RGS7: variants seen among roughly 807,000 people sequenced by gnomAD.
RGS7 encodes the protein regulator of G protein signaling 7, also known as regulator of G-protein signaling 7.
RGS7 carries 27 observed loss-of-function variants against 81.1 expected under a neutral mutation model. The ratio of observed to expected loss-of-function variants is 0.33; its 90% CI spans 0.25 to 0.46. The LOEUF (loss-of-function observed/expected upper bound fraction) is 0.46, where lower values mean the gene tolerates loss of function less well. Among genes scored for constraint, RGS7 ranks in the 20% least tolerant of loss-of-function variants. The probability of loss-of-function intolerance (pLI) is 1.00; values close to 1 mark genes in which losing one functional copy is unlikely to be tolerated. For synonymous variants in RGS7, 208 were observed against 207.7 expected (o/e 1.00, Z -0.01); for missense variants, 396 against 607.4 (o/e 0.65, Z 3.66).
At chr1:240,971,086 G>A (rs116328734) in intron 4 of RGS7, among the ~76,000 whole-genome samples, 2,666 of 152,276 alleles carry the variant, frequency 0.018, 74 homozygotes, top group East Asian at 0.1. Flanking sequence ...AATTCATACG[G>A]GAGGTGATTA....
chr1:241,285,806 A>T (rs1028611976), intron 2 of RGS7, among the ~76,000 whole-genome samples: 8 of 152,170 alleles, frequency 5.3e-5, no homozygotes, highest in African/African-American at 1.7e-4. Flanking sequence ...AATAGTTGAG[A>T]GTGCCCTCTG....
intron 6 of RGS7, among the ~76,000 whole-genome samples, chr1:240,924,089 C>A (rs1423498498): frequency 6.6e-6 from 1 of 152,182 alleles, no homozygotes; most frequent in Non-Finnish European, 1.5e-5. Context: ...TTGGATATGG[C>A]AAGCTTTCTA....
At chr1:240,955,274 C>T (rs901047703) in intron 4 of RGS7, among the ~76,000 whole-genome samples, 2 of 152,098 alleles carry the variant, frequency 1.3e-5, no homozygotes, top group South Asian at 2.1e-4. Flanking sequence ...CCAGAATAAC[C>T]GACATAATAA....
At chr1:240,861,711 C>T (rs1558370623) in intron 9 of RGS7, among the ~76,000 whole-genome samples, 1 of 152,048 alleles carries the variant, frequency 6.6e-6, no homozygotes, top group African/African-American at 2.4e-5. Context: ...TTCCTAGGGT[C>T]ACTAATCTTA....
intron 6 of RGS7, among the ~76,000 whole-genome samples, chr1:240,871,901 T>C (rs1335193158): frequency 1.3e-5 from 2 of 152,194 alleles, no homozygotes; most frequent in East Asian, 1.9e-4. Flanking sequence ...TCCTGTGTCC[T>C]CCTGCATCAG....
chr1:240,908,933 G>A (rs954010571), intron 6 of RGS7, among the ~76,000 whole-genome samples: 2 of 152,152 alleles, frequency 1.3e-5, no homozygotes, highest in African/African-American at 4.8e-5. Context: ...CATGCAAAAA[G>A]GTTATGCTAA....
intron 4 of RGS7, among the ~76,000 whole-genome samples, chr1:240,972,300 T>C (rs1199550043): frequency 6.6e-6 from 1 of 151,286 alleles, no homozygotes; most frequent in Non-Finnish European, 1.5e-5. Context: ...CCAAGCCAAA[T>C]GTCCAACAAT....
At chr1:241,114,632 G>A (rs764797897) in intron 2 of RGS7, among the ~76,000 whole-genome samples, 53 of 152,234 alleles carry the variant, frequency 3.5e-4, no homozygotes, top group Admixed American at 1.2e-3. Flanking sequence ...TGTTGAGGTC[G>A]AATAAAATGC....
At chr1:241,030,361 C>CATATATATATATATATATAT (rs370562497) in intron 3 of RGS7, among the ~76,000 whole-genome samples, 1,324 of 101,988 alleles carry the variant, frequency 0.013, 75 homozygotes, top group Non-Finnish European at 0.019. Context: ...GAACTTATAG[C>CATATATATATATATATATAT]ATATATATAT....
Position 241,087,970 on chromosome 1 carries a change from CTCTCTCTATA to C in RGS7, c.175+10686_175+10695del, listed in dbSNP as rs1367831119. 2.9e-3 allele frequency among the ~76,000 whole-genome samples: 255 copies of C among 87,548 alleles called. 2 individuals are homozygous for C. The highest frequency in any genetic ancestry group is 0.01 in the African/African-American group (239 of 23,616). The allele number at this position is 87,548 out of a possible 152,430, so 57.4% of individuals were successfully genotyped here. The stretch of plus-strand genomic sequence containing the variant: ...TCTCTCTCTCTCTCTCTCTCTCTCT[CTCTCTCTATA>C]TATATATATATATATACACACACAC... On this transcript the variant is annotated intron_variant, in intron 3 of 18. Coordinates refer to ENST00000440928, the MANE Select transcript of RGS7 (RefSeq NM_001364886.1).
chr1:240,975,727 T>C (rs1051317228), intron 4 of RGS7, among the ~76,000 whole-genome samples: 3 of 152,252 alleles, frequency 2.0e-5, no homozygotes, highest in African/African-American at 7.2e-5. Context: ...TATGACATGA[T>C]ATTAGTCATA....
chr1:241,089,063 CTATATATATA>C lies in RGS7; in HGVS notation c.175+9593_175+9602del, dbSNP rs1161090389. On this transcript the variant is annotated intron_variant, in intron 3 of 18. Transcript: ENST00000440928. ...TCTCTCTCTCTCTCTCTCTCTCTCT[CTATATATATA>C]TATATATATATATATATATATATAC... 1.9e-3 allele frequency among the ~76,000 whole-genome samples: 45 copies of C among 23,674 alleles called. 2 individuals carry two copies. Among genetic ancestry groups the C allele is most frequent in the South Asian group, 8.9e-3 (6 of 674 alleles). The allele number at this position is 23,674 out of a possible 152,430, so 15.5% of individuals were successfully genotyped here. A position where few individuals can be genotyped will look rare whatever the true frequency, so the allele number is the denominator to read the frequency against.
At chr1:241,100,537 G>C (rs1272736165) in intron 2 of RGS7, among the ~76,000 whole-genome samples, 1 of 152,030 alleles carries the variant, frequency 6.6e-6, no homozygotes, top group Non-Finnish European at 1.5e-5. Flanking sequence ...GGAAAGAATG[G>C]GTTTTAATGA....
chr1:241,350,535 CTTG>C (rs1001701301), intron 2 of RGS7, among the ~76,000 whole-genome samples: 9 of 152,212 alleles, frequency 5.9e-5, no homozygotes, highest in African/African-American at 2.2e-4. Context: ...GCGTCTTTGT[CTTG>C]TTGTCCCTTG....
chr1:240,876,766 G>T (rs570521152), intron 6 of RGS7, among the ~76,000 whole-genome samples: 1 of 152,188 alleles, frequency 6.6e-6, no homozygotes, highest in Admixed American at 6.5e-5. Flanking sequence ...TTTAAGACCA[G>T]CCTGGATAAC....
At chr1:241,154,221 C>T (rs2068955754) in intron 2 of RGS7, among the ~76,000 whole-genome samples, 1 of 152,180 alleles carries the variant, frequency 6.6e-6, no homozygotes, top group South Asian at 2.1e-4. Flanking sequence ...TGGAGGCTCG[C>T]TCTTCTGGGC....
At chr1:241,324,457 T>C (rs1452938060) in intron 2 of RGS7, among the ~76,000 whole-genome samples, 1 of 152,206 alleles carries the variant, frequency 6.6e-6, no homozygotes, top group Non-Finnish European at 1.5e-5. Context: ...GTATAACTCA[T>C]GCACTCATTC....
intron 2 of RGS7, among the ~76,000 whole-genome samples, chr1:241,223,615 G>C (rs552097355): frequency 6.6e-6 from 1 of 151,518 alleles, no homozygotes; most frequent in African/African-American, 2.4e-5. Flanking sequence ...ACATAATAGC[G>C]CATTCAAATA....
chr1:241,172,753 C>T (rs978277256), intron 2 of RGS7, among the ~76,000 whole-genome samples: 24 of 152,038 alleles, frequency 1.6e-4, no homozygotes, highest in African/African-American at 5.8e-4. Flanking sequence ...TAGAAAAGGA[C>T]AAAATCAGCA....
Sources: allele counts gnomAD v4.1 joint callset (sites outside exome capture counted in the v4.1 genomes callset), GRCh38; gene constraint gnomAD v4.1.1; transcripts MANE v1.5; gene names NCBI Gene and HGNC (gene_info 2026-07-23, HGNC 2026-07-21).